Variants in ADAM29 observed in about 807,000 individuals in gnomAD.
ADAM29 encodes disintegrin and metalloproteinase domain-containing protein 29.
For missense variants in ADAM29, 969 were observed against 1,001.8 expected (o/e 0.97, Z 0.44); for synonymous variants, 367 against 342.3 (o/e 1.07, Z -0.80).
Position 174,977,243 on chromosome 4 carries a change from G to C in ADAM29, c.1718G>C (p.Trp573Ser), listed in dbSNP as rs1258009232. 1.2e-6 allele frequency: 2 copies of C among 1,613,892 alleles called. No individual in the cohort carries two copies. Among genetic ancestry groups the C allele is most frequent in the Non-Finnish European group, 1.7e-6 (2 of 1,180,030 alleles). The change falls in exon 5 of 5, where the codon TGG (tryptophan) becomes TCG (serine). Residue 573 changes from tryptophan to serine, a missense_variant. Physicochemically the swap from Trp to Ser is radical, Grantham distance 177. Coordinates refer to ENST00000359240, the MANE Select transcript of ADAM29 (RefSeq NM_014269.4). ...ATGAGTGATCATACTACTGTGCATT[G>C]GGCTCGCTTCAATGACATAATGTGC... is the stretch of plus-strand genomic sequence containing the variant. ...PNMSDHTTVHWARFNDIMCWS... is the reference protein window; with the variant it reads ...PNMSDHTTVHSARFNDIMCWS...
intron 4 of ADAM29, among the ~76,000 whole-genome samples, chr4:174,956,999 C>A (rs901437739): frequency 6.6e-6 from 1 of 151,796 alleles, no homozygotes; most frequent in Admixed American, 6.6e-5. Context: ...TTATTTTTAC[C>A]TTTCTTTGCG....
At chr4:174,961,256 T>C (rs1461804819) in intron 4 of ADAM29, among the ~76,000 whole-genome samples, 1 of 151,730 alleles carries the variant, frequency 6.6e-6, no homozygotes, top group African/African-American at 2.4e-5. Context: ...TAATACATTT[T>C]ACTCTGAAGC....
At chr4:174,967,613 A>C (rs1433995230) in intron 4 of ADAM29, among the ~76,000 whole-genome samples, 1 of 152,222 alleles carries the variant, frequency 6.6e-6, no homozygotes, top group Non-Finnish European at 1.5e-5. Context: ...ATAGCAAGAA[A>C]TGGTATGAAA....
At chr4:174,953,835 G>A (rs1015152999) in intron 4 of ADAM29, among the ~76,000 whole-genome samples, 1 of 152,046 alleles carries the variant, frequency 6.6e-6, no homozygotes, top group Non-Finnish European at 1.5e-5. Context: ...TCAGCCTCCT[G>A]AGTAGCTGGG....
chr4:174,961,653 A>G (rs1372644105), intron 4 of ADAM29, among the ~76,000 whole-genome samples: 1 of 152,162 alleles, frequency 6.6e-6, no homozygotes, highest in Non-Finnish European at 1.5e-5. Context: ...CATACCTAAG[A>G]AAAAAAGATC....
intron 4 of ADAM29, among the ~76,000 whole-genome samples, chr4:174,951,200 G>T (rs565106027): frequency 6.6e-6 from 1 of 152,028 alleles, no homozygotes. Context: ...CTATCCACTG[G>T]CCAATGTCTC....
rs1746728401 is a variant in ADAM29 at position 174,975,683 on chromosome 4, C to T, written c.158C>T (p.Ser53Phe). 1.9e-6 allele frequency: 3 copies of T among 1,612,772 alleles called. No individual in the cohort carries two copies. Among genetic ancestry groups the T allele is most frequent in the Non-Finnish European group, 2.5e-6 (3 of 1,179,456 alleles). ...GGCATGACACCTCCAGGCTGGCTCT[C>T]CTATATCCTGCCCTTTGGAGGCCAG... is the stretch of plus-strand genomic sequence containing the variant. ...TRGMTPPGWL[S>F]YILPFGGQKH... Residue 53 changes from serine to phenylalanine, a missense_variant, in exon 5 of 5, where the codon TCC becomes TTC. Coordinates refer to ENST00000359240, the MANE Select transcript of ADAM29 (RefSeq NM_014269.4).
chr4:174,966,372 G>A (rs1394756900), intron 4 of ADAM29, among the ~76,000 whole-genome samples: 1 of 152,062 alleles, frequency 6.6e-6, no homozygotes, highest in African/African-American at 2.4e-5. Context: ...CTTCTTCTAA[G>A]CATTTTTAAA....
At chr4:174,927,179 T>C (rs919943674) in intron 2 of ADAM29, among the ~76,000 whole-genome samples, 3 of 152,214 alleles carry the variant, frequency 2.0e-5, no homozygotes, top group Non-Finnish European at 2.9e-5. Flanking sequence ...TACAGCCCAT[T>C]TGAACTATTT....
At chr4:174,959,029 C>T (rs1287081365) in intron 4 of ADAM29, among the ~76,000 whole-genome samples, 1 of 151,750 alleles carries the variant, frequency 6.6e-6, no homozygotes, top group African/African-American at 2.4e-5. Flanking sequence ...CAGTTAAATA[C>T]AAGACAAATA....
At chr4:174,929,859 C>A (rs150552035) in intron 2 of ADAM29, among the ~76,000 whole-genome samples, 1 of 151,546 alleles carries the variant, frequency 6.6e-6, no homozygotes, top group Admixed American at 6.6e-5. Flanking sequence ...TGGGTTCAAG[C>A]GATTCTTCTG....
intron 4 of ADAM29, among the ~76,000 whole-genome samples, chr4:174,940,250 T>G (rs1287543635): frequency 2.0e-5 from 3 of 152,166 alleles, no homozygotes; most frequent in Admixed American, 1.3e-4. Context: ...GGTCAAAGAT[T>G]TGTTCACATC....
Position 174,977,402 on chromosome 4 carries a change from C to T in ADAM29, c.1877C>T (p.Ser626Leu), listed in dbSNP as rs1746904794. 1.9e-6 allele frequency: 3 copies of T among 1,613,952 alleles called. No homozygotes were observed. Among genetic ancestry groups the T allele is most frequent in the East Asian group, 4.5e-5 (2 of 44,850 alleles). Residue 626 changes from serine to leucine, a missense_variant, in exon 5 of 5, where the codon TCA (serine) becomes TTA (leucine). Physicochemically the swap from Ser to Leu is moderately radical, Grantham distance 145. Transcript: ENST00000359240. ...ATAACCATCTTGAATAGTAATTGCT[C>T]ACCTGCATTTTGTAACAAGAGGGGC... The part of the protein sequence containing the change: ...VHITILNSNC[S>L]PAFCNKRGIC...
At chr4:174,941,327 A>T (rs75409386) in intron 4 of ADAM29, among the ~76,000 whole-genome samples, 18 of 152,214 alleles carry the variant, frequency 1.2e-4, no homozygotes, top group Admixed American at 9.8e-4. Flanking sequence ...GTTGTCTAAT[A>T]CAGTGAAGCC....
Position 174,928,569 on chromosome 4 carries a change from T to TTAAAAAAAAA in ADAM29, c.-450-2417_-450-2416insTAAAAAAAAA, listed in dbSNP as rs761103217. On this transcript the variant is annotated intron_variant, in intron 2 of 4. Coordinates refer to ENST00000359240, the MANE Select transcript of ADAM29 (RefSeq NM_014269.4). ...CTCTACAAATTCCCTGTCATGTGCT[T>TTAAAAAAAAA]AAAAAAAAAAAAGACACCAGCCAGA... 2.3e-5 allele frequency among the ~76,000 whole-genome samples: 3 copies of TTAAAAAAAAA among 131,816 alleles called. 1 individual carries two copies. Among genetic ancestry groups the TTAAAAAAAAA allele is most frequent in the African/African-American group, 5.5e-5 (2 of 36,308 alleles). The allele number at this position is 131,816 out of a possible 152,430, so 86.5% of individuals were successfully genotyped here. A position where few individuals can be genotyped will look rare whatever the true frequency, so the allele number is the denominator to read the frequency against.
chr4:174,931,204 A>G (rs2093213194), intron 3 of ADAM29, 30 bp downstream of exon 3: 1 of 152,256 alleles, frequency 6.6e-6, no homozygotes, highest in African/African-American at 2.4e-5. Flanking sequence ...GCACAAAATC[A>G]TCACCAAACC....
chr4:174,918,677 A>G (rs1380368664), intron 1 of ADAM29, among the ~76,000 whole-genome samples: 1 of 152,116 alleles, frequency 6.6e-6, no homozygotes. Flanking sequence ...ACTAAAATCA[A>G]TAGATGAAAA....
chr4:174,957,257 T>C (rs1302810864), intron 4 of ADAM29, among the ~76,000 whole-genome samples: 1 of 151,880 alleles, frequency 6.6e-6, no homozygotes, highest in Admixed American at 6.6e-5. Context: ...TTAATCAACA[T>C]TTATTGAGTA....
chr4:174,935,970 G>A (rs1177051951), intron 3 of ADAM29, among the ~76,000 whole-genome samples: 1 of 152,020 alleles, frequency 6.6e-6, no homozygotes, highest in East Asian at 1.9e-4. Flanking sequence ...TAAATAGAGT[G>A]ACCATATAAT....
Sources: gnomAD v4.1 joint callset for allele counts (sites outside exome capture counted in the v4.1 genomes callset) on GRCh38, gnomAD v4.1.1 for gene constraint, MANE v1.5 for transcripts, NCBI Gene and HGNC (gene_info 2026-07-23, HGNC 2026-07-21) for gene names.